Variants in CSMD2 observed in about 807,000 individuals in gnomAD.
The protein encoded by CSMD2 is CUB and sushi domain-containing protein 2.
Under a neutral mutation model 398.5 loss-of-function variants are expected in CSMD2, and 130 were observed. The observed-to-expected ratio is 0.33, with a 90% CI of 0.28 to 0.38. CSMD2 has a LOEUF of 0.38. CSMD2 is among the 10% of genes least tolerant of loss of function. The pLI is 1.00. For synonymous variants in CSMD2, 1,828 were observed against 1,908.5 expected, an observed-to-expected ratio of 0.96 and a Z score of 1.10; for missense variants, 3,829 against 4,764.9, an observed-to-expected ratio of 0.80 and a Z score of 5.78.
At chr1:33,620,806 CTTTTT>C (rs34986869) in intron 37 of CSMD2, among the ~76,000 whole-genome samples, 7 of 91,924 alleles carry the variant, frequency 7.6e-5, no homozygotes, top group South Asian at 3.9e-4. Context: ...TGTCCTGGGT[CTTTTT>C]TTTTTTTTTT....
At chr1:34,048,155 C>T (rs574779600) in intron 2 of CSMD2, among the ~76,000 whole-genome samples, 6 of 152,382 alleles carry the variant, frequency 3.9e-5, no homozygotes, top group Admixed American at 3.3e-4. Flanking sequence ...AGAAGCCTGC[C>T]TCCCACTTCG....
intron 5 of CSMD2, among the ~76,000 whole-genome samples, chr1:33,887,961 AC>A: frequency 6.6e-6 from 1 of 152,290 alleles, no homozygotes; most frequent in Admixed American, 6.5e-5. Context: ...TTTCTTATTT[AC>A]CAGCAATAAG....
chr1:33,678,127 A>T (rs1472811378), intron 25 of CSMD2, among the ~76,000 whole-genome samples: 2 of 151,964 alleles, frequency 1.3e-5, no homozygotes, highest in East Asian at 3.9e-4. Context: ...AATTAAAAAA[A>T]AAAGAGCGTG....
chr1:34,075,046 T>C lies in CSMD2; in HGVS notation c.404+13931A>G, dbSNP rs1656167866. ...TTAAGTTCCTTGAAGGCAGAAGCTGTCTTGTTAACTGTTGTGTCTCTGATA... is the reference window on the plus strand; with the variant it reads ...TTAAGTTCCTTGAAGGCAGAAGCTGCCTTGTTAACTGTTGTGTCTCTGATA... On this transcript the variant is annotated intron_variant, in intron 2 of 70. Coordinates refer to ENST00000373381, the MANE Select transcript of CSMD2 (RefSeq NM_001281956.2). Among the ~76,000 whole-genome samples the C allele has an allele frequency of 2.0e-5, 3 of 152,388 alleles. No homozygotes were observed. In the South Asian group the frequency reaches 6.2e-4, roughly 32 times the overall value.
intron 3 of CSMD2, among the ~76,000 whole-genome samples, chr1:34,006,814 C>T (rs1377654360): frequency 6.6e-6 from 1 of 152,130 alleles, no homozygotes; most frequent in Non-Finnish European, 1.5e-5. Context: ...GGAGTCGTAA[C>T]TACCCCAAGG....
chr1:33,735,159 T>A (rs1473433593), intron 15 of CSMD2, among the ~76,000 whole-genome samples: 1 of 152,242 alleles, frequency 6.6e-6, no homozygotes, highest in Admixed American at 6.5e-5. Context: ...AGTGATATAA[T>A]TCAAGAAAAA....
intron 3 of CSMD2, among the ~76,000 whole-genome samples, chr1:34,004,010 CAGG>C (rs1184870578): frequency 1.3e-5 from 2 of 152,200 alleles, no homozygotes; most frequent in African/African-American, 4.8e-5. Flanking sequence ...CCTCTAGCCC[CAGG>C]AGACCAGCCA....
intron 13 of CSMD2, 116 bp downstream of exon 13, chr1:33,772,453 T>C (rs1651405841): frequency 4.8e-6 from 4 of 840,296 alleles, no homozygotes; most frequent in Non-Finnish European, 7.6e-6. Context: ...CCAACCAGAG[T>C]GCAGCTGTTG....
rs201659710 is a variant in CSMD2, at chr1:33,664,640, A to G, written c.4053-1548T>C. ...AACACAGTGAAACCCCGTCTTTACT[A>G]AAAATACAAAAAATTAGCCGGGCGA... On this transcript the variant is annotated intron_variant, in intron 25 of 70. Coordinates refer to ENST00000373381, the MANE Select transcript of CSMD2 (RefSeq NM_001281956.2). Among the ~76,000 whole-genome samples the G allele has an allele frequency of 3.3e-5, 5 of 152,106 alleles. No homozygotes were observed. The East Asian group carries it at 9.7e-4, about 29-fold the overall frequency.
chr1:33,743,368 G>A lies in CSMD2; in HGVS notation c.2085C>T (p.Ser695=), dbSNP rs1367593426. The change falls in exon 14 of 71, where the codon TCC becomes TCT. Residue 695 remains serine, a synonymous_variant. Transcript: ENST00000373381. ...LGTFSGNQLP[S]SITSSGHVAR... ...CCACGTGGCCACTGCTTGTGATGGA[G>A]GAGGGAAGCTGGTTTCCTGAGAAGG... 1 of 1,614,172 alleles carries A rather than the reference G, an allele frequency of 6.2e-7. No homozygotes were observed. Among genetic ancestry groups the A allele is most frequent in the Non-Finnish European group, 8.5e-7 (1 of 1,180,026 alleles).
intron 6 of CSMD2, among the ~76,000 whole-genome samples, chr1:33,835,793 T>A (rs1660174542): frequency 6.6e-6 from 1 of 152,064 alleles, no homozygotes; most frequent in Admixed American, 6.5e-5. Context: ...TTTAACTTCT[T>A]TGCCATGGGT....
At chr1:33,770,008 T>A (rs1198637246) in intron 13 of CSMD2, among the ~76,000 whole-genome samples, 1 of 152,236 alleles carries the variant, frequency 6.6e-6, no homozygotes, top group South Asian at 2.1e-4. Flanking sequence ...CCTTTTCTAT[T>A]GATAACATTA....
chr1:33,720,341 G>A (rs1265621980), intron 19 of CSMD2, among the ~76,000 whole-genome samples: 1 of 152,186 alleles, frequency 6.6e-6, no homozygotes, highest in East Asian at 1.9e-4. Context: ...AGTAAAGTCT[G>A]AAATCATGGA....
At chr1:33,817,527 T>A (rs932498735) in intron 9 of CSMD2, among the ~76,000 whole-genome samples, 1 of 152,146 alleles carries the variant, frequency 6.6e-6, no homozygotes, top group Non-Finnish European at 1.5e-5. Context: ...ACTCCCAAAC[T>A]GTATGATTGC....
At chr1:34,129,264 T>A (rs773642446) in intron 1 of CSMD2, among the ~76,000 whole-genome samples, 11 of 152,102 alleles carry the variant, frequency 7.2e-5, no homozygotes, top group Non-Finnish European at 1.3e-4. Flanking sequence ...TGTGAACACA[T>A]GTTGTGTGTA....
At chr1:34,126,169 T>C (rs1041433141) in intron 1 of CSMD2, among the ~76,000 whole-genome samples, 1 of 152,188 alleles carries the variant, frequency 6.6e-6, no homozygotes, top group Non-Finnish European at 1.5e-5. Context: ...CCTCAACTGG[T>C]ATTTCTTGGA....
At chr1:34,064,660 T>C (rs981172643) in intron 2 of CSMD2, among the ~76,000 whole-genome samples, 2 of 152,200 alleles carry the variant, frequency 1.3e-5, no homozygotes, top group African/African-American at 4.8e-5. Flanking sequence ...GCCCTCCAAA[T>C]TATTTCAACC....
chr1:33,578,875 T>C (rs1199633983), intron 48 of CSMD2, among the ~76,000 whole-genome samples: 1 of 152,184 alleles, frequency 6.6e-6, no homozygotes, highest in Non-Finnish European at 1.5e-5. Flanking sequence ...TTTAAATAGC[T>C]GCCTTCCAAG....
Position 34,139,110 on chromosome 1 carries a change from A to G in CSMD2, c.187+25801T>C, listed in dbSNP as rs1260397631. Among the ~76,000 whole-genome samples, 9 of 152,192 alleles carry G rather than the reference A, an allele frequency of 5.9e-5. No homozygotes were observed. In the East Asian group the frequency reaches 1.7e-3, roughly 29 times the overall value. On this transcript the variant is annotated intron_variant, in intron 1 of 70. Coordinates refer to ENST00000373381, the MANE Select transcript of CSMD2 (RefSeq NM_001281956.2). The stretch of plus-strand genomic sequence containing the variant: ...TACCATTTGAATGTTTGTCCCATCC[A>G]AAACTTGTGCTGAAACTTAATCCCC...
Sources: gnomAD v4.1 joint callset for allele counts (sites outside exome capture counted in the v4.1 genomes callset) on GRCh38, gnomAD v4.1.1 for gene constraint, MANE v1.5 for transcripts, NCBI Gene and HGNC (gene_info 2026-07-23, HGNC 2026-07-21) for gene names.